The following ACYP2 variants were observed in gnomAD, a reference collection of about 807,000 sequenced individuals.
The protein encoded by ACYP2 is acylphosphatase 2, also known as acylphosphatase-2.
ACYP2 carries 12 observed loss-of-function variants against 11.2 expected under a neutral mutation model. The ratio of observed to expected loss-of-function variants is 1.08; its 90% CI spans 0.69 to 1.74. The LOEUF is 1.74. Among genes scored for constraint, ACYP2 ranks in the 40% most tolerant of loss-of-function variants. ACYP2 has a pLI of 0.00. For missense variants in ACYP2, 134 were observed against 101.9 expected, an observed-to-expected ratio of 1.31 and a Z score of -1.35; for synonymous variants, 43 against 32.2, an observed-to-expected ratio of 1.33 and a Z score of -1.13.
At chr2:54,201,636 C>T (rs369824739) in intron 6 of ACYP2, among the ~76,000 whole-genome samples, 2,872 of 93,570 alleles carry the variant, frequency 0.031, 88 homozygotes, top group Non-Finnish European at 0.039. Context: ...TTCTTTCTTT[C>T]TCTTTCTTTC....
chr2:53,974,477 G>A (rs1227157030), intron 2 of ACYP2, among the ~76,000 whole-genome samples: 1 of 152,178 alleles, frequency 6.6e-6, no homozygotes, highest in South Asian at 2.1e-4. Context: ...GAATTATAGG[G>A]AAGTGGTAGG....
At chr2:54,219,972 C>T (rs1305874718) in intron 6 of ACYP2, among the ~76,000 whole-genome samples, 1 of 145,356 alleles carries the variant, frequency 6.9e-6, no homozygotes, top group Admixed American at 7.0e-5. Flanking sequence ...CAACTCCTGA[C>T]CTCAGGTGCT....
At chr2:54,013,620 C>T (rs1375407737) in intron 2 of ACYP2, among the ~76,000 whole-genome samples, 2 of 151,228 alleles carry the variant, frequency 1.3e-5, no homozygotes, top group African/African-American at 2.4e-5. Context: ...AAACTTTAAC[C>T]GATGTATTAT....
intron 3 of ACYP2, chr2:54,051,905 G>A (rs1219288097): frequency 1.5e-5 from 4 of 273,774 alleles, no homozygotes; most frequent in Admixed American, 5.2e-5. Context: ...AAATTAGCTG[G>A]GCGTGGTAAT....
intron 6 of ACYP2, among the ~76,000 whole-genome samples, chr2:54,297,864 A>G (rs182175605): frequency 1.3e-5 from 2 of 152,292 alleles, no homozygotes; most frequent in East Asian, 3.9e-4. Flanking sequence ...GAAAATTTTC[A>G]CTCTTGAGGA....
intron 6 of ACYP2, among the ~76,000 whole-genome samples, chr2:54,220,587 T>C (rs2103949084): frequency 6.6e-6 from 1 of 152,330 alleles, no homozygotes; most frequent in South Asian, 2.1e-4. Flanking sequence ...ATTTTTATCT[T>C]CTATTTTAAT....
At chr2:54,003,737 T>A (rs1313420109) in intron 2 of ACYP2, among the ~76,000 whole-genome samples, 1 of 152,222 alleles carries the variant, frequency 6.6e-6, no homozygotes, top group Admixed American at 6.5e-5. Context: ...TTCAACTCAT[T>A]TGGGTAAATA....
chr2:54,057,126 C>G (rs1224900695), intron 3 of ACYP2: 7 of 391,214 alleles, frequency 1.8e-5, no homozygotes, highest in Non-Finnish European at 3.2e-5. Flanking sequence ...TTGACTTGAA[C>G]CATAAATTAG....
intron 4 of ACYP2, among the ~76,000 whole-genome samples, chr2:54,101,239 A>G (rs903825606): frequency 3.3e-5 from 5 of 152,176 alleles, no homozygotes; most frequent in Non-Finnish European, 7.4e-5. Context: ...CATTTATTTA[A>G]TTTTATTTAA....
chr2:54,037,880 A>G (rs1436203044), intron 2 of ACYP2, among the ~76,000 whole-genome samples: 2 of 152,216 alleles, frequency 1.3e-5, no homozygotes, highest in East Asian at 3.8e-4. Context: ...AAACTATGAG[A>G]AACTTGGAAA....
chr2:54,292,953 C>A (rs1689372632), intron 6 of ACYP2, among the ~76,000 whole-genome samples: 1 of 152,204 alleles, frequency 6.6e-6, no homozygotes, highest in South Asian at 2.1e-4. Flanking sequence ...TAAATTCCAT[C>A]CTAAAATGGC....
At chr2:53,975,255 T>C in intron 2 of ACYP2, 1 of 397,876 alleles carries the variant, frequency 2.5e-6, no homozygotes, top group Non-Finnish European at 4.4e-6. Context: ...GAGAAGCAGT[T>C]CCAGATGACA....
chr2:54,165,535 T>A (rs7603776), intron 6 of ACYP2, among the ~76,000 whole-genome samples: 62,319 of 128,530 alleles, frequency 0.48, 14,489 homozygotes, highest in East Asian at 0.67. Flanking sequence ...TCTCTCTCTC[T>A]CACACACACA....
intron 4 of ACYP2, chr2:54,115,705 A>T: frequency 3.9e-5 from 63 of 1,612,424 alleles, no homozygotes; most frequent in Non-Finnish European, 5.3e-5. Flanking sequence ...CGCCATGTCT[A>T]CCGCCCAGTC....
chr2:54,217,826 T>G (rs6723496), intron 6 of ACYP2, among the ~76,000 whole-genome samples: 1 of 152,168 alleles, frequency 6.6e-6, no homozygotes, highest in African/African-American at 2.4e-5. Context: ...GAGTAGAGAA[T>G]AGCATGATAA....
chr2:54,043,966 A>C (rs767568391), intron 2 of ACYP2, among the ~76,000 whole-genome samples: 1 of 152,182 alleles, frequency 6.6e-6, no homozygotes, highest in Non-Finnish European at 1.5e-5. Context: ...AATGTATGTG[A>C]GGATGAGAAA....
At chr2:54,138,564 A>G (rs1681404161) in intron 5 of ACYP2, 75 bp from the exon 3 acceptor site, 2 of 1,146,324 alleles carry the variant, frequency 1.7e-6, no homozygotes, top group African/African-American at 1.6e-5. Flanking sequence ...CATTTTTTGG[A>G]TATTAGAATC....
chr2:54,256,260 A>C, intron 6 of ACYP2: 1 of 1,302,508 alleles, frequency 7.7e-7, no homozygotes, highest in South Asian at 1.5e-5. Flanking sequence ...TGCGCCGCCC[A>C]CTCTTCAGTC....
At chr2:54,026,112 G>A (rs1558479384) in intron 2 of ACYP2, among the ~76,000 whole-genome samples, 1 of 152,156 alleles carries the variant, frequency 6.6e-6, no homozygotes, top group Non-Finnish European at 1.5e-5. Flanking sequence ...GCGAGACTCT[G>A]TCTCAACAAA....
Sources: allele counts gnomAD v4.1 joint callset (sites outside exome capture counted in the v4.1 genomes callset), GRCh38; gene constraint gnomAD v4.1.1; transcripts MANE v1.5; gene names NCBI Gene and HGNC (gene_info 2026-07-23, HGNC 2026-07-21).